Variants in CLUL1 observed in about 807,000 individuals in gnomAD.
The protein encoded by CLUL1 is clusterin-like protein 1.
Under a neutral mutation model 49.4 loss-of-function variants are expected in CLUL1, and 43 were observed. That is an observed-to-expected ratio of 0.87 (90% CI 0.68 to 1.12). CLUL1 has a LOEUF of 1.12. Among genes scored for constraint, CLUL1 ranks in the 50% most tolerant of loss-of-function variants. The pLI is 0.00. For synonymous variants in CLUL1, 192 were observed against 184.9 expected (o/e 1.04, Z -0.31); for missense variants, 486 against 544.4 (o/e 0.89, Z 1.07).
chr18:636,425 A>C (rs2074136605), intron 7 of CLUL1, among the ~76,000 whole-genome samples: 1 of 96,586 alleles, frequency 1.0e-5, no homozygotes, highest in Non-Finnish European at 2.3e-5. Flanking sequence ...CCATTATGAA[A>C]TGTCTTTCCA....
intron 4 of CLUL1, among the ~76,000 whole-genome samples, chr18:624,289 T>G (rs1032671647): frequency 5.9e-5 from 9 of 151,762 alleles, no homozygotes; most frequent in Middle Eastern, 3.5e-3. Context: ...ATAAATATAT[T>G]TATTATATTA....
At chr18:613,742 C>T (rs1050600251) in intron 2 of CLUL1, among the ~76,000 whole-genome samples, 4 of 152,252 alleles carry the variant, frequency 2.6e-5, no homozygotes, top group Non-Finnish European at 5.9e-5. Flanking sequence ...GCCTGAGCCA[C>T]TGTGCCTGGC....
At chr18:604,365 A>T (rs1238046180) in intron 1 of CLUL1, among the ~76,000 whole-genome samples, 7 of 152,244 alleles carry the variant, frequency 4.6e-5, no homozygotes, top group Non-Finnish European at 1.0e-4. Context: ...GAACAAAGTT[A>T]CTATGAAGAT....
intron 5 of CLUL1, 58 bp downstream of exon 5, chr18:625,090 C>G: frequency 1.3e-6 from 2 of 1,529,388 alleles, no homozygotes; most frequent in South Asian, 2.4e-5. Flanking sequence ...TTTCAGCTTA[C>G]TTTTTTATTA....
chr18:628,639 CTTTTTTT>C (rs577855173), intron 6 of CLUL1, among the ~76,000 whole-genome samples: 34 of 137,588 alleles, frequency 2.5e-4, no homozygotes, highest in Non-Finnish European at 4.6e-4. Context: ...TTTCTTTTTT[CTTTTTTT>C]TTTTTTTTGA....
rs1276845108 is a variant in CLUL1, at chr18:645,083, A to G, written c.1383A>G (p.Glu461=). The change falls in exon 9 of 10, where the codon GAA becomes GAG. Residue 461 remains glutamate (E), a synonymous_variant. Coordinates refer to ENST00000692774, the MANE Select transcript of CLUL1 (RefSeq NM_001393344.1). ...CAAAAGCTCTACAGCATTTTAAGGA[A>G]CATTTTAAAACCTGGTAAGCAGAGT... ...VVAKALQHFK[E]HFKTW 3 of 1,602,510 alleles carry G rather than the reference A, an allele frequency of 1.9e-6. No individual in the cohort carries two copies. The highest frequency in any genetic ancestry group is 3.4e-5 in the Admixed American group (2 of 58,028).
At chr18:617,173 A>C (rs2073313073) in intron 2 of CLUL1, among the ~76,000 whole-genome samples, 1 of 152,230 alleles carries the variant, frequency 6.6e-6, no homozygotes, top group South Asian at 2.1e-4. Flanking sequence ...AAAAATTTTA[A>C]CTGTGCACTA....
chr18:624,332 C>T (rs2073607067), intron 4 of CLUL1, among the ~76,000 whole-genome samples: 2 of 151,988 alleles, frequency 1.3e-5, no homozygotes, highest in Admixed American at 1.3e-4. Context: ...TCCTGCGTCT[C>T]GGCAATTACA....
At chr18:613,393 C>T (rs899618217) in intron 2 of CLUL1, 1 of 263,620 alleles carries the variant, frequency 3.8e-6, no homozygotes, top group Non-Finnish European at 7.1e-6. Context: ...CTGCCTCGGC[C>T]TCCCAAAGTG....
rs374889105 is a variant in CLUL1, at chr18:627,395, A to T, written c.722A>T (p.Asp241Val). ...AFSKEPMTKA[D>V]LEQCWDIPNF... ...TCTAAAGAGCCGATGACAAAAGCAG[A>T]TCTTGAGCAATGTTGGGACATTCCC... Residue 241 changes from aspartate to valine, a missense_variant, in exon 6 of 10, where the codon GAT becomes GTT. Physicochemically the swap from Asp to Val is radical, Grantham distance 152 (BLOSUM62 -3). Coordinates refer to ENST00000692774, the MANE Select transcript of CLUL1 (RefSeq NM_001393344.1). The T allele has an allele frequency of 1.9e-5, 30 of 1,614,068 alleles. No homozygotes were observed. Among genetic ancestry groups the T allele is most frequent in the Non-Finnish European group, 2.5e-5 (30 of 1,180,024 alleles).
At chr18:649,407 T>G (rs2074611411) in intron 9 of CLUL1, among the ~76,000 whole-genome samples, 1 of 152,230 alleles carries the variant, frequency 6.6e-6, no homozygotes, top group Admixed American at 6.5e-5. Context: ...GCAATGTGTT[T>G]TATTTCCCAT....
chr18:631,190 G>A (rs1360090426), intron 6 of CLUL1, among the ~76,000 whole-genome samples: 1 of 152,152 alleles, frequency 6.6e-6, no homozygotes. Context: ...TGCTATTTTT[G>A]TTGAGTATAG....
In CLUL1 at chr18:627,522, A is replaced by G; in HGVS notation, c.849A>G (p.Gln283=). 1 of 1,601,178 alleles carries G rather than the reference A, an allele frequency of 6.2e-7. No individual in the cohort carries two copies. Among genetic ancestry groups the G allele is most frequent in the Non-Finnish European group, 8.5e-7 (1 of 1,172,286 alleles). Residue 283 remains glutamine (Q), a synonymous_variant, in exon 6 of 10, where the codon CAA becomes CAG. Coordinates refer to ENST00000692774, the MANE Select transcript of CLUL1 (RefSeq NM_001393344.1). The stretch of plus-strand genomic sequence containing the variant: ...AGGCAATAGAAGATTTACCAAAACA[A>G]GACAAAGGCAAGTATTAAAAGATTA... ...MLKAIEDLPK[Q]DKAPDHGGLI...
intron 1 of CLUL1, among the ~76,000 whole-genome samples, chr18:603,588 G>T (rs34789468): frequency 6.6e-6 from 1 of 151,872 alleles, no homozygotes; most frequent in African/African-American, 2.4e-5. Flanking sequence ...TTATAATATC[G>T]AAAACAATCA....
chr18:625,860 G>T (rs2073672388), intron 5 of CLUL1, among the ~76,000 whole-genome samples: 1 of 152,004 alleles, frequency 6.6e-6, no homozygotes, highest in African/African-American at 2.4e-5. Context: ...GATAATGAAT[G>T]CGCCAAGTTA....
intron 7 of CLUL1, among the ~76,000 whole-genome samples, chr18:635,745 G>C (rs1382147739): frequency 6.6e-6 from 1 of 152,060 alleles, no homozygotes; most frequent in African/African-American, 2.4e-5. Context: ...CAGAGAAAAG[G>C]GAGGATGGAA....
intron 6 of CLUL1, among the ~76,000 whole-genome samples, chr18:632,334 ATGTGTGTG>A (rs34398863): frequency 1.6e-3 from 249 of 151,076 alleles, no homozygotes; most frequent in Non-Finnish European, 3.2e-3. Context: ...GTGTATATAT[ATGTGTGTG>A]TGTGTGTGTG....
chr18:598,358 G>C (rs894552794), intron 1 of CLUL1: 1 of 391,114 alleles, frequency 2.6e-6, no homozygotes, highest in African/African-American at 2.1e-5. Flanking sequence ...CCCTCAAACA[G>C]TGAGATGTGG....
At chr18:630,672 C>CTTTTTTTTTTTTTTTTT (rs36222515) in intron 6 of CLUL1, among the ~76,000 whole-genome samples, 2 of 61,998 alleles carry the variant, frequency 3.2e-5, no homozygotes, top group African/African-American at 7.2e-5. Flanking sequence ...CTACTGACAT[C>CTTTTTTTTTTTTTTTTT]TTTTTTTTTT....
Sources: allele counts gnomAD v4.1 joint callset (sites outside exome capture counted in the v4.1 genomes callset), GRCh38; gene constraint gnomAD v4.1.1; transcripts MANE v1.5; gene names NCBI Gene and HGNC (gene_info 2026-07-23, HGNC 2026-07-21).